Variants in BBOX1 observed in about 807,000 individuals in gnomAD.
BBOX1 encodes gamma-butyrobetaine dioxygenase.
BBOX1 carries 35 observed loss-of-function variants against 41.6 expected under a neutral mutation model. The observed-to-expected ratio is 0.84, with a 90% CI of 0.64 to 1.11. The LOEUF is 1.11. BBOX1 is among the 50% of genes most tolerant of loss of function. The pLI, the probability that BBOX1 is intolerant of heterozygous loss-of-function variation, is 0.00. For synonymous variants in BBOX1, 163 were observed against 154.7 expected, an observed-to-expected ratio of 1.05 and a Z score of -0.40; for missense variants, 458 against 460.6, an observed-to-expected ratio of 0.99 and a Z score of 0.05.
intron 7 of BBOX1, among the ~76,000 whole-genome samples, chr11:27,121,753 G>T (rs189487547): frequency 1.3e-3 from 196 of 152,292 alleles, no homozygotes; most frequent in Middle Eastern, 6.8e-3. Flanking sequence ...TAGTTATAAT[G>T]TGACAGTTTT....
chr11:27,055,225 T>A, intron 2 of BBOX1, 168 bp from the exon 3 acceptor site: 1 of 508,748 alleles, frequency 2.0e-6, no homozygotes, highest in South Asian at 3.3e-5. Context: ...TTACAGTATG[T>A]GAAATACTCT....
At chr11:27,044,271 G>C (rs562807133) in intron 2 of BBOX1, among the ~76,000 whole-genome samples, 1 of 152,152 alleles carries the variant, frequency 6.6e-6, no homozygotes, top group South Asian at 2.1e-4. Context: ...CATATCTTTT[G>C]CCCATTTTTG....
At chr11:27,095,297 G>A (rs908960407) in intron 5 of BBOX1, among the ~76,000 whole-genome samples, 3 of 151,916 alleles carry the variant, frequency 2.0e-5, no homozygotes, top group Admixed American at 6.6e-5. Flanking sequence ...CCAAATTTGG[G>A]GATCTTTGTT....
intron 4 of BBOX1, among the ~76,000 whole-genome samples, chr11:27,081,368 C>A (rs1590196065): frequency 1.3e-5 from 2 of 152,254 alleles, no homozygotes; most frequent in Admixed American, 1.3e-4. Flanking sequence ...ATCCATGTCC[C>A]TGCAATGGAC....
chr11:27,112,066 C>T (rs1859088854), intron 5 of BBOX1, among the ~76,000 whole-genome samples: 2 of 151,936 alleles, frequency 1.3e-5, no homozygotes, highest in South Asian at 4.1e-4. Flanking sequence ...TAAGCCTCTG[C>T]ATTTTGCTGC....
chr11:27,041,733 T>G (rs928157296), intron 2 of BBOX1, among the ~76,000 whole-genome samples: 1 of 152,148 alleles, frequency 6.6e-6, no homozygotes, highest in Non-Finnish European at 1.5e-5. Context: ...AGCTTCTCTT[T>G]CCCAATTATG....
chr11:27,099,267 T>A (rs974923598), intron 5 of BBOX1, among the ~76,000 whole-genome samples: 1 of 152,008 alleles, frequency 6.6e-6, no homozygotes, highest in Non-Finnish European at 1.5e-5. Context: ...ATTTGTTTTT[T>A]TTCTAAGAAT....
intron 2 of BBOX1, among the ~76,000 whole-genome samples, chr11:27,054,188 GCTGTGTGTGTGTGTGT>G (rs1359350748): frequency 2.6e-5 from 3 of 114,402 alleles, no homozygotes; most frequent in Non-Finnish European, 5.8e-5. Flanking sequence ...GATTTTATAA[GCTGTGTGTGTGTGTGT>G]CTGTGTGTGT....
chr11:27,058,203 G>A (rs1385588785), intron 4 of BBOX1, among the ~76,000 whole-genome samples: 1 of 152,128 alleles, frequency 6.6e-6, no homozygotes, highest in Non-Finnish European at 1.5e-5. Context: ...CTTTCCTCAT[G>A]TGACCTGCCT....
chr11:27,074,857 C>T (rs900064290), intron 4 of BBOX1, among the ~76,000 whole-genome samples: 1 of 152,210 alleles, frequency 6.6e-6, no homozygotes. Flanking sequence ...GAGGTGGACT[C>T]CCAAGGTCTT....
rs373117724 is a variant in BBOX1 at position 27,056,926 on chromosome 11, C to T, written c.220-275C>T. ...ACTAAAATACAAAAAATTAGCCAGGCGTGGTGTCGCGTGCCTGTAATCCCA... is the reference window on the plus strand; with the variant it reads ...ACTAAAATACAAAAAATTAGCCAGGTGTGGTGTCGCGTGCCTGTAATCCCA... On this transcript the variant is annotated intron_variant, in intron 3 of 8. Coordinates refer to ENST00000263182, the MANE Select transcript of BBOX1 (RefSeq NM_003986.3). Among the ~76,000 whole-genome samples, 76 of 151,440 alleles carry T rather than the reference C, an allele frequency of 5.0e-4. No individual in the cohort carries two copies. In the South Asian group the frequency reaches 0.011, roughly 21 times the overall value.
chr11:27,051,860 T>C (rs1851680689), intron 2 of BBOX1, among the ~76,000 whole-genome samples: 1 of 152,080 alleles, frequency 6.6e-6, no homozygotes, highest in African/African-American at 2.4e-5. Context: ...TTTTTCTAGT[T>C]CCTTGAAGTG....
intron 8 of BBOX1, 75 bp from the exon 9 acceptor site, chr11:27,127,218 T>G (rs1162883833): frequency 1.4e-6 from 2 of 1,463,734 alleles, no homozygotes; most frequent in Non-Finnish European, 1.9e-6. Context: ...AGCTGTGTTT[T>G]GCATGTTACA....
intron 4 of BBOX1, among the ~76,000 whole-genome samples, chr11:27,070,647 A>G (rs986356119): frequency 3.4e-5 from 5 of 148,774 alleles, no homozygotes; most frequent in Non-Finnish European, 7.4e-5. Flanking sequence ...TTGAATTTGT[A>G]TGAATCCTTA....
intron 2 of BBOX1, chr11:27,047,386 T>C (rs1851518350): frequency 6.6e-6 from 1 of 152,164 alleles, no homozygotes; most frequent in Admixed American, 6.5e-5. Context: ...TTAATGTTTC[T>C]TGGCACAGAT....
At chr11:27,080,970 G>A (rs566687168) in intron 4 of BBOX1, among the ~76,000 whole-genome samples, 14 of 152,198 alleles carry the variant, frequency 9.2e-5, no homozygotes, top group Admixed American at 2.0e-4. Flanking sequence ...TTACAGCTCC[G>A]TAGGTTGTTC....
chr11:27,085,593 C>A (rs1347756806), intron 4 of BBOX1, among the ~76,000 whole-genome samples: 1 of 150,114 alleles, frequency 6.7e-6, no homozygotes, highest in South Asian at 2.1e-4. Context: ...CTCTCTCTCT[C>A]TCTGGGCCTC....
chr11:27,111,265 A>G lies in BBOX1; in HGVS notation c.534-4187A>G, dbSNP rs1392575028. ...ATACCTGAACAGAAAACCAAATACT[A>G]CATGTTCTCACAAGTGGGAGCTAAA... is the stretch of plus-strand genomic sequence containing the variant. On this transcript the variant is annotated intron_variant, in intron 5 of 8. Transcript: ENST00000263182. 2.6e-5 allele frequency among the ~76,000 whole-genome samples: 4 copies of G among 151,942 alleles called. 1 individual carries two copies. In the South Asian group the frequency reaches 6.2e-4, roughly 24 times the overall value.
intron 5 of BBOX1, among the ~76,000 whole-genome samples, chr11:27,113,223 C>G (rs1385430323): frequency 1.3e-5 from 2 of 151,902 alleles, no homozygotes; most frequent in African/African-American, 4.8e-5. Context: ...ATCAGTCCAG[C>G]CATTGTGGAA....
Sources: gnomAD v4.1 joint callset for allele counts (sites outside exome capture counted in the v4.1 genomes callset) on GRCh38, gnomAD v4.1.1 for gene constraint, MANE v1.5 for transcripts, NCBI Gene and HGNC (gene_info 2026-07-23, HGNC 2026-07-21) for gene names.